CLSTN2: variants seen among roughly 807,000 people sequenced by gnomAD.
CLSTN2 encodes the protein calsyntenin-2.
Under a neutral mutation model 101.2 loss-of-function variants are expected in CLSTN2, and 48 were observed. The ratio of observed to expected loss-of-function variants is 0.47; its 90% CI spans 0.38 to 0.60. CLSTN2 has a LOEUF of 0.60. Among genes scored for constraint, CLSTN2 ranks in the 20% least tolerant of loss-of-function variants. The pLI is 0.00. For missense variants in CLSTN2, 1,160 were observed against 1,238.2 expected, an observed-to-expected ratio of 0.94 and a Z score of 0.95; for synonymous variants, 481 against 463.6, an observed-to-expected ratio of 1.04 and a Z score of -0.48.
At chr3:140,125,945 G>A (rs550397011) in intron 1 of CLSTN2, among the ~76,000 whole-genome samples, 78 of 152,254 alleles carry the variant, frequency 5.1e-4, no homozygotes, top group African/African-American at 1.8e-3. Context: ...AAGTGTCATC[G>A]GGGCAGGGGG....
chr3:140,099,423 T>C (rs571394860), intron 1 of CLSTN2, among the ~76,000 whole-genome samples: 1 of 152,188 alleles, frequency 6.6e-6, no homozygotes, highest in South Asian at 2.1e-4. Context: ...CATGCATCTC[T>C]CCTTGGTGTC....
intron 2 of CLSTN2, among the ~76,000 whole-genome samples, chr3:140,297,172 A>C (rs555587151): frequency 6.6e-6 from 1 of 152,352 alleles, no homozygotes; most frequent in South Asian, 2.1e-4. Context: ...TTGTTTGCCA[A>C]GTATTTTAAG....
chr3:140,078,862 C>T (rs1327374125), intron 1 of CLSTN2, among the ~76,000 whole-genome samples: 2 of 152,076 alleles, frequency 1.3e-5, no homozygotes, highest in Non-Finnish European at 2.9e-5. Context: ...CAACTTTCTG[C>T]CAGACACAGC....
At chr3:140,337,088 G>A (rs1239277500) in intron 2 of CLSTN2, among the ~76,000 whole-genome samples, 1 of 152,184 alleles carries the variant, frequency 6.6e-6, no homozygotes, top group African/African-American at 2.4e-5. Context: ...TCAGGAATGT[G>A]GGGCTTACTT....
intron 10 of CLSTN2, among the ~76,000 whole-genome samples, chr3:140,549,625 C>T (rs1253946262): frequency 6.7e-6 from 1 of 150,268 alleles, no homozygotes; most frequent in African/African-American, 2.5e-5. Flanking sequence ...GGGATTTGTC[C>T]AAAATCAGTT....
chr3:140,067,686 T>C (rs997268412), intron 1 of CLSTN2, among the ~76,000 whole-genome samples: 2 of 152,208 alleles, frequency 1.3e-5, no homozygotes, highest in Admixed American at 6.5e-5. Flanking sequence ...TGTCACCCTT[T>C]CTGATCACAA....
chr3:140,357,446 C>G (rs57897408), intron 2 of CLSTN2, among the ~76,000 whole-genome samples: 14,551 of 152,194 alleles, frequency 0.096, 1,179 homozygotes, highest in African/African-American at 0.23. Context: ...CCAATGGACA[C>G]ATGCCCATGC....
chr3:140,121,650 C>G (rs1243565776), intron 1 of CLSTN2, among the ~76,000 whole-genome samples: 4 of 152,302 alleles, frequency 2.6e-5, no homozygotes, highest in East Asian at 1.9e-4. Context: ...CTCACCTCTT[C>G]CAAGTCCTCA....
intron 1 of CLSTN2, among the ~76,000 whole-genome samples, chr3:139,956,544 T>G (rs1471556205): frequency 6.6e-6 from 1 of 152,212 alleles, no homozygotes; most frequent in Non-Finnish European, 1.5e-5. Flanking sequence ...AGTATTGGTT[T>G]TGAAATTGAA....
At chr3:140,037,590 G>T (rs2007679535) in intron 1 of CLSTN2, among the ~76,000 whole-genome samples, 1 of 151,186 alleles carries the variant, frequency 6.6e-6, no homozygotes, top group Non-Finnish European at 1.5e-5. Flanking sequence ...GGTAGTGCAG[G>T]TTTGTTACAT....
chr3:139,956,397 A>AC (rs1298053498), intron 1 of CLSTN2, among the ~76,000 whole-genome samples: 2 of 152,190 alleles, frequency 1.3e-5, no homozygotes, highest in Non-Finnish European at 2.9e-5. Context: ...CAGAGAGGCC[A>AC]CCATCCCTCT....
chr3:139,938,968 A>G (rs115252693), intron 1 of CLSTN2, among the ~76,000 whole-genome samples: 307 of 150,890 alleles, frequency 2.0e-3, no homozygotes, highest in Non-Finnish European at 3.6e-3. Context: ...TTATTATTAT[A>G]CTTTAAGTTT....
At chr3:140,510,872 CAG>C (rs1934800123) in intron 8 of CLSTN2, among the ~76,000 whole-genome samples, 1 of 152,096 alleles carries the variant, frequency 6.6e-6, no homozygotes, top group Admixed American at 6.5e-5. Flanking sequence ...ATTTTAAACT[CAG>C]GGGTACATGT....
intron 1 of CLSTN2, among the ~76,000 whole-genome samples, chr3:140,135,191 T>C (rs1560105659): frequency 6.9e-6 from 1 of 144,524 alleles, no homozygotes; most frequent in Admixed American, 7.0e-5. Context: ...AGTCATCCTA[T>C]GGAATTATAC....
chr3:139,947,848 A>T (rs1384162356), intron 1 of CLSTN2, among the ~76,000 whole-genome samples: 17 of 149,716 alleles, frequency 1.1e-4, no homozygotes, highest in Non-Finnish European at 1.0e-4. Context: ...TTGCACTTGC[A>T]TTTTTTTTTT....
intron 8 of CLSTN2, among the ~76,000 whole-genome samples, chr3:140,511,054 C>G (rs144842815): frequency 1.5e-3 from 233 of 152,306 alleles, no homozygotes; most frequent in African/African-American, 5.5e-3. Flanking sequence ...CTGTTCCCCC[C>G]ACCATGTGTG....
intron 1 of CLSTN2, among the ~76,000 whole-genome samples, chr3:140,054,820 T>A (rs2008069855): frequency 6.6e-6 from 1 of 152,140 alleles, no homozygotes; most frequent in Non-Finnish European, 1.5e-5. Flanking sequence ...AGAAGGGAGT[T>A]TGGGAGAAAA....
chr3:140,439,761 A>C (rs2108003345), intron 5 of CLSTN2, among the ~76,000 whole-genome samples: 1 of 152,324 alleles, frequency 6.6e-6, no homozygotes, highest in East Asian at 1.9e-4. Context: ...ACGCACACAC[A>C]CACACACAGC....
chr3:140,078,718 C>CAATAGTA (rs1443102151), intron 1 of CLSTN2, among the ~76,000 whole-genome samples: 1 of 152,136 alleles, frequency 6.6e-6, no homozygotes, highest in Non-Finnish European at 1.5e-5. Flanking sequence ...AGGGGAAAAT[C>CAATAGTA]AATAGTATTA....
Sources: allele counts gnomAD v4.1 joint callset (sites outside exome capture counted in the v4.1 genomes callset), GRCh38; gene constraint gnomAD v4.1.1; transcripts MANE v1.5; gene names NCBI Gene and HGNC (gene_info 2026-07-23, HGNC 2026-07-21).